TRIM14: variants seen among roughly 807,000 people sequenced by gnomAD.
TRIM14 encodes tripartite motif containing 14.
TRIM14 carries 28 observed loss-of-function variants against 44.5 expected under a neutral mutation model. That is an observed-to-expected ratio of 0.63 (90% CI 0.47 to 0.86). The LOEUF (loss-of-function observed/expected upper bound fraction) is 0.86. Ranked by LOEUF, TRIM14 falls within the 40% of genes least tolerant of loss-of-function variation. The probability of loss-of-function intolerance (pLI) is 0.00; values close to 1 mark genes in which losing one functional copy is unlikely to be tolerated. For missense variants in TRIM14, 607 were observed against 611.1 expected, an observed-to-expected ratio of 0.99 and a Z score of 0.07; for synonymous variants, 299 against 269.2, an observed-to-expected ratio of 1.11 and a Z score of -1.08.
At chr9:98,059,883 C>G in the TRIM14 span, among the ~76,000 whole-genome samples, 2 of 152,162 alleles carry the variant, frequency 1.3e-5, no homozygotes, top group Admixed American at 1.3e-4. Flanking sequence ...AGCGCCAGTG[C>G]AAAGCAGCTA....
chr9:98,060,771 G>A, the TRIM14 span: 1 of 1,613,288 alleles, frequency 6.2e-7, no homozygotes, highest in Admixed American at 1.7e-5. Context: ...ATGTCCTAAT[G>A]TGTGTTGTAG....
In TRIM14 at chr9:98,087,626, G is replaced by T. The variant is rs561263272; in HGVS notation, c.1173C>A (p.Leu391=). 3 of 1,604,338 alleles carry T rather than the reference G, an allele frequency of 1.9e-6. No individual in the cohort carries two copies. In the East Asian group the frequency reaches 6.7e-5, roughly 36 times the overall value. ...RLRPRDDLDR[L]GVFLDYEAGV... is the part of the protein sequence containing the mutation. ...CGGCCTCGTAGTCCAGGAAGACGCC[G>T]AGCCGGTCGAGGTCGTCGCGGGGCC... The change falls in exon 6 of 6, where the codon CTC becomes CTA. Residue 391 remains leucine (L), a synonymous_variant. Coordinates refer to ENST00000341469, the MANE Select transcript of TRIM14 (RefSeq NM_014788.4).
At chr9:98,112,627 C>T (rs929326085) in intron 1 of TRIM14, among the ~76,000 whole-genome samples, 12 of 151,550 alleles carry the variant, frequency 7.9e-5, no homozygotes, top group African/African-American at 2.7e-4. Flanking sequence ...GGAGAAACCC[C>T]GTCTCTACTA....
At chr9:98,043,123 T>C in the TRIM14 span, among the ~76,000 whole-genome samples, 92 of 152,064 alleles carry the variant, frequency 6.1e-4, no homozygotes, top group African/African-American at 2.1e-3. Context: ...GACTTGCAAA[T>C]TCTTGATAAC....
At chr9:98,059,185 A>C in the TRIM14 span, among the ~76,000 whole-genome samples, 1 of 151,486 alleles carries the variant, frequency 6.6e-6, no homozygotes, top group African/African-American at 2.4e-5. Flanking sequence ...CACCACACCT[A>C]GCTAATTTTT....
chr9:98,083,916 G>GT (rs779664335), downstream of TRIM14, among the ~76,000 whole-genome samples: 55 of 152,206 alleles, frequency 3.6e-4, no homozygotes, highest in Non-Finnish European at 7.3e-5. Context: ...TTGTTTACAC[G>GT]TAAGTGAGAA....
At chr9:98,060,358 T>C in the TRIM14 span, among the ~76,000 whole-genome samples, 3 of 152,154 alleles carry the variant, frequency 2.0e-5, no homozygotes, top group Non-Finnish European at 2.9e-5. Context: ...TCTCTGTCAG[T>C]CTATGTTGTT....
the TRIM14 span, among the ~76,000 whole-genome samples, chr9:98,045,840 G>A: frequency 6.6e-6 from 1 of 152,174 alleles, no homozygotes; most frequent in African/African-American, 2.4e-5. Flanking sequence ...GGGGATCATG[G>A]TAAGTTCTTG....
intron 2 of TRIM14, among the ~76,000 whole-genome samples, chr9:98,104,069 G>A (rs1826508241): frequency 6.6e-6 from 1 of 152,092 alleles, no homozygotes; most frequent in Non-Finnish European, 1.5e-5. Context: ...AGGTTCAGAG[G>A]CTAGCTCATA....
At chr9:98,043,659 G>T in the TRIM14 span, among the ~76,000 whole-genome samples, 2 of 151,156 alleles carry the variant, frequency 1.3e-5, no homozygotes, top group South Asian at 4.2e-4. Context: ...CACACACACA[G>T]AGAGAGATCC....
chr9:98,095,737 C>T lies in TRIM14; in HGVS notation c.538-708G>A, dbSNP rs998267477. ...AGCCAAAGCGTGGATTTGGAAATGA[C>T]GGTGAAGGTAGTGATGGTGGCATGT... On this transcript the variant is annotated intron_variant, in intron 3 of 5. Transcript: ENST00000341469. This position sits in a 1 kb window ranked among gnomAD's most constrained non-coding sequence, Gnocchi z 4.1. 5.9e-5 allele frequency among the ~76,000 whole-genome samples: 9 copies of T among 152,212 alleles called. No homozygotes were observed. The highest frequency in any genetic ancestry group is 2.0e-4 in the Admixed American group (3 of 15,284).
chr9:98,071,865 T>C (rs1350677170), intron 6 of TRIM14, among the ~76,000 whole-genome samples: 1 of 152,210 alleles, frequency 6.6e-6, no homozygotes, highest in African/African-American at 2.4e-5. Flanking sequence ...AGCTCCTGGA[T>C]CTGACCTAGG....
chr9:98,040,343 C>T, the TRIM14 span, among the ~76,000 whole-genome samples: 1 of 152,052 alleles, frequency 6.6e-6, no homozygotes, highest in Non-Finnish European at 1.5e-5. Context: ...TCCAAGTGGC[C>T]CCTGATCCCC....
At chr9:98,074,353 G>A (rs1829485650) in intron 6 of TRIM14, among the ~76,000 whole-genome samples, 1 of 152,122 alleles carries the variant, frequency 6.6e-6, no homozygotes, top group Non-Finnish European at 1.5e-5. Context: ...CGGGCTGCAT[G>A]GAACCCCAGA....
chr9:98,100,152 ACT>A lies in TRIM14; in HGVS notation c.314_315del (p.Glu105ValfsTer3). Reference protein sequence around the residue: ...DATEKLKANAESSKTWLKGKF... With the variant: ...DATEKLKANAXSSKTWLKGKF... ...TTCCCCTTCAGCCAGGTTTTACTTG[ACT>A]CTGCATTAGCCTAAAAACAGAAAAA... On this transcript the variant is annotated frameshift_variant, in exon 3 of 6. Coordinates refer to ENST00000341469, the MANE Select transcript of TRIM14 (RefSeq NM_014788.4). LOFTEE classifies it high-confidence loss of function. The A allele has an allele frequency of 6.2e-7, 1 of 1,613,910 alleles. No homozygotes were observed. Among genetic ancestry groups the A allele is most frequent in the Non-Finnish European group, 8.5e-7 (1 of 1,179,952 alleles).
chr9:98,103,287 C>A (rs1201369641), intron 2 of TRIM14, among the ~76,000 whole-genome samples: 1 of 151,346 alleles, frequency 6.6e-6, no homozygotes, highest in African/African-American at 2.4e-5. Context: ...GAACAAGCTG[C>A]AGAATAATAT....
chr9:98,044,833 C>A, the TRIM14 span, among the ~76,000 whole-genome samples: 3 of 152,116 alleles, frequency 2.0e-5, no homozygotes, highest in Non-Finnish European at 4.4e-5. Context: ...CGCCTCTGAG[C>A]TCAGTGTGGT....
At chr9:98,088,120 C>A in intron 5 of TRIM14, 115 bp from the exon 6 acceptor site, 1 of 1,222,494 alleles carries the variant, frequency 8.2e-7, no homozygotes, top group Non-Finnish European at 1.1e-6. Flanking sequence ...GGAAATGGCC[C>A]AAGGAAGGGG....
chr9:98,067,306 T>C (rs954016262), downstream of TRIM14, among the ~76,000 whole-genome samples: 2 of 152,214 alleles, frequency 1.3e-5, no homozygotes, highest in African/African-American at 4.8e-5. Context: ...GGTAACTCTA[T>C]GTTTAACTTT....
Sources: gnomAD v4.1 joint callset for allele counts (sites outside exome capture counted in the v4.1 genomes callset) on GRCh38, gnomAD v4.1.1 for gene constraint, Gnocchi (gnomAD v3.1) non-coding constraint, MANE v1.5 for transcripts, NCBI Gene and HGNC (gene_info 2026-07-23, HGNC 2026-07-21) for gene names.